Variants in ABCA4 observed in about 807,000 individuals in gnomAD.
The protein encoded by ABCA4 is ATP binding cassette subfamily A member 4.
In ABCA4, 196 loss-of-function variants were observed where a neutral mutation model predicts 263.7. The ratio of observed to expected loss-of-function variants is 0.74; its 90% CI spans 0.66 to 0.84. The LOEUF (loss-of-function observed/expected upper bound fraction) is 0.84. Among genes scored for constraint, ABCA4 ranks in the 40% least tolerant of loss-of-function variants. The probability of loss-of-function intolerance (pLI) is 0.00; values close to 1 mark genes in which losing one functional copy is unlikely to be tolerated. For synonymous variants in ABCA4, 1,133 were observed against 1,094.2 expected (o/e 1.04, Z -0.70); for missense variants, 2,792 against 2,855.1 (o/e 0.98, Z 0.50).
intron 11 of ABCA4, among the ~76,000 whole-genome samples, chr1:94,071,149 T>A (rs1407829067): frequency 6.6e-6 from 1 of 152,216 alleles, no homozygotes; most frequent in Non-Finnish European, 1.5e-5. Flanking sequence ...TATGTTCTGC[T>A]AGTCCTCTGA....
intron 30 of ABCA4, among the ~76,000 whole-genome samples, chr1:94,026,283 C>T (rs1027411432): frequency 6.6e-6 from 1 of 152,188 alleles, no homozygotes; most frequent in Non-Finnish European, 1.5e-5. Context: ...TTCTCTCTCT[C>T]CTGCCAGGAG....
intron 3 of ABCA4, 152 bp downstream of exon 3, chr1:94,111,286 A>G: frequency 9.0e-7 from 1 of 1,110,006 alleles, no homozygotes; most frequent in Non-Finnish European, 1.3e-6. Flanking sequence ...AATGTTCCAG[A>G]GAGGAAACCT....
chr1:94,058,346 T>G (rs1208451147), intron 14 of ABCA4, among the ~76,000 whole-genome samples: 1 of 152,340 alleles, frequency 6.6e-6, no homozygotes, highest in South Asian at 2.1e-4. Context: ...CTCAGAAGAA[T>G]GAAATCAATT....
intron 6 of ABCA4, among the ~76,000 whole-genome samples, chr1:94,090,397 G>A (rs1466450708): frequency 6.6e-6 from 1 of 150,540 alleles, no homozygotes; most frequent in Non-Finnish European, 1.5e-5. Context: ...TAGTTTTGTA[G>A]GCTTCTGTAA....
chr1:94,114,211 C>T (rs563884047), intron 1 of ABCA4, among the ~76,000 whole-genome samples: 2 of 152,272 alleles, frequency 1.3e-5, no homozygotes, highest in East Asian at 3.9e-4. Flanking sequence ...TCAATAAATG[C>T]TCCTTTCCTG....
At chr1:94,045,931 C>T (rs1330990974) in intron 19 of ABCA4, 6 of 456,148 alleles carry the variant, frequency 1.3e-5, no homozygotes, top group South Asian at 9.3e-5. Context: ...AGATGGCGCT[C>T]GGGTCCCTTG....
intron 11 of ABCA4, among the ~76,000 whole-genome samples, chr1:94,076,540 G>T (rs1469343013): frequency 6.6e-6 from 1 of 151,312 alleles, no homozygotes; most frequent in African/African-American, 2.4e-5. Flanking sequence ...ATTTGCAAAG[G>T]GTAGAATCCC....
At position 94,015,816 on chromosome 1, in the gene ABCA4, G is replaced by C. The variant is rs769668293; in HGVS notation, c.5235C>G (p.Ile1745Met). ...YSVSAGLVVGIFIGFQKKAYT... is the reference protein window; with the variant it reads ...YSVSAGLVVGMFIGFQKKAYT... ...AGGCTTTCTTCTGAAACCCGATGAA[G>C]ATGCCCACCACCAGCCCAGCACTCA... The change falls in exon 37 of 50, where the codon ATC becomes ATG. Residue 1745 changes from isoleucine (I) to methionine (M), a missense_variant. Physicochemically the swap from Ile to Met is conservative, Grantham distance 10 (BLOSUM62 1). Coordinates refer to ENST00000370225, the MANE Select transcript of ABCA4 (RefSeq NM_000350.3). The C allele has an allele frequency of 5.6e-6, 9 of 1,613,860 alleles. No individual in the cohort carries two copies. The highest frequency in any genetic ancestry group is 6.8e-6 in the Non-Finnish European group (8 of 1,180,018).
At position 94,041,401 on chromosome 1, in the gene ABCA4, G is replaced by A. The variant is rs762909447; in HGVS notation, c.3330C>T (p.Gly1110=). 1.5e-5 allele frequency: 25 copies of A among 1,613,502 alleles called. No individual in the cohort carries two copies. Among genetic ancestry groups the A allele is most frequent in the Non-Finnish European group, 2.1e-5 (25 of 1,180,022 alleles). ...IWDLLLKYRS[G]RTIIMSTHHM... ...GGTGAGTGGACATGATGATGGTTCT[G>A]CCTGCAAGGTAGGGGCCAGGGCAAT... Residue 1110 remains glycine (G), a splice_region_variant and synonymous_variant, in exon 23 of 50, where the codon GGC becomes GGT. Coordinates refer to ENST00000370225, the MANE Select transcript of ABCA4 (RefSeq NM_000350.3).
chr1:94,118,290 G>A (rs1662856963), intron 1 of ABCA4, among the ~76,000 whole-genome samples: 1 of 152,166 alleles, frequency 6.6e-6, no homozygotes, highest in South Asian at 2.1e-4. Context: ...AAAAAAGAGG[G>A]AGGAAAGCAG....
At chr1:94,114,344 A>G (rs566250805) in intron 1 of ABCA4, among the ~76,000 whole-genome samples, 1 of 152,272 alleles carries the variant, frequency 6.6e-6, no homozygotes, top group South Asian at 2.1e-4. Context: ...AAAAGCAAAA[A>G]CTATTTAGGG....
chr1:94,031,185 C>A, intron 27 of ABCA4, 65 bp from the exon 28 acceptor site: 10 of 1,591,620 alleles, frequency 6.3e-6, no homozygotes, highest in Non-Finnish European at 6.0e-6. Context: ...TGCGCGTGCA[C>A]ACACATCTTC....
intron 17 of ABCA4, among the ~76,000 whole-genome samples, chr1:94,050,215 C>T (rs1404168547): frequency 6.6e-6 from 1 of 152,206 alleles, no homozygotes; most frequent in Non-Finnish European, 1.5e-5. Flanking sequence ...CCTTTGATCA[C>T]TTTACTAGCT....
chr1:94,047,129 A>C, intron 18 of ABCA4, 36 bp from the exon 19 acceptor site: 1 of 1,610,220 alleles, frequency 6.2e-7, no homozygotes, highest in Non-Finnish European at 8.5e-7. Context: ...TGTAAACATA[A>C]TGCCTAATTA....
At chr1:94,092,803 T>G (rs1202312459) in intron 6 of ABCA4, among the ~76,000 whole-genome samples, 1 of 140,086 alleles carries the variant, frequency 7.1e-6, no homozygotes, top group Non-Finnish European at 1.6e-5. Flanking sequence ...GACCTTCTCC[T>G]AGTCTGGGGG....
intron 15 of ABCA4, 134 bp downstream of exon 15, chr1:94,056,467 G>T: frequency 1.0e-6 from 1 of 959,688 alleles, no homozygotes; most frequent in Non-Finnish European, 1.6e-6. Context: ...GTACATTTTA[G>T]CCTCACGTGA....
chr1:94,094,421 G>A (rs990482390), intron 6 of ABCA4, among the ~76,000 whole-genome samples: 22 of 152,230 alleles, frequency 1.4e-4, no homozygotes, highest in African/African-American at 5.1e-4. Context: ...AAAGAGACAC[G>A]GATAAAATGC....
chr1:94,029,732 ACC>A, intron 29 of ABCA4, 101 bp from the exon 30 acceptor site: 1 of 1,144,488 alleles, frequency 8.7e-7, no homozygotes, highest in Non-Finnish European at 1.3e-6. Context: ...TCCTCTTTAG[ACC>A]CAGGCCCTTT....
intron 18 of ABCA4, among the ~76,000 whole-genome samples, 193 bp from the exon 19 acceptor site, chr1:94,047,286 T>G (rs986149434): frequency 6.6e-6 from 1 of 152,218 alleles, no homozygotes; most frequent in African/African-American, 2.4e-5. Context: ...ACCTCCTATA[T>G]GCCAGGCACT....
Sources: gnomAD v4.1 joint callset for allele counts (sites outside exome capture counted in the v4.1 genomes callset) on GRCh38, gnomAD v4.1.1 for gene constraint, MANE v1.5 for transcripts, NCBI Gene and HGNC (gene_info 2026-07-23, HGNC 2026-07-21) for gene names.